Variants in TANGO6 observed in about 807,000 individuals in gnomAD.
TANGO6 encodes transport and Golgi organization protein 6 homolog.
Under a neutral mutation model 114.2 loss-of-function variants are expected in TANGO6, and 90 were observed. The observed-to-expected ratio is 0.79, with a 90% CI of 0.66 to 0.94. TANGO6 has a LOEUF of 0.94. TANGO6 is among the 40% of genes least tolerant of loss of function. The pLI is 0.00. For missense variants in TANGO6, 1,274 were observed against 1,315.3 expected, an observed-to-expected ratio of 0.97 and a Z score of 0.49; for synonymous variants, 477 against 509.8, an observed-to-expected ratio of 0.94 and a Z score of 0.87.
At chr16:68,975,560 T>G (rs2152213380) in intron 15 of TANGO6, among the ~76,000 whole-genome samples, 1 of 151,904 alleles carries the variant, frequency 6.6e-6, no homozygotes, top group Admixed American at 6.6e-5. Flanking sequence ...TCTTTTCTTT[T>G]TTTTTTGTTT....
At chr16:68,867,334 C>A in intron 4 of TANGO6, 114 bp downstream of exon 4, 1 of 1,380,860 alleles carries the variant, frequency 7.2e-7, no homozygotes, top group Admixed American at 1.9e-5. Flanking sequence ...AACTAAACTC[C>A]ATCCTTGCAG....
At chr16:69,081,690 A>G (rs1960467781) in intron 17 of TANGO6, among the ~76,000 whole-genome samples, 1 of 152,078 alleles carries the variant, frequency 6.6e-6, no homozygotes, top group African/African-American at 2.4e-5. Flanking sequence ...GTTTCTTGCT[A>G]GAAGTTCTAG....
chr16:69,067,251 G>T (rs1447083043), intron 17 of TANGO6, among the ~76,000 whole-genome samples: 2 of 151,478 alleles, frequency 1.3e-5, no homozygotes, highest in African/African-American at 2.4e-5. Context: ...GCTCATGCCT[G>T]TTATCCCAGC....
chr16:68,967,687 T>A (rs1567550056), intron 14 of TANGO6, among the ~76,000 whole-genome samples: 1 of 152,208 alleles, frequency 6.6e-6, no homozygotes, highest in Non-Finnish European at 1.5e-5. Flanking sequence ...GGCAGAAATA[T>A]CTGTGAGTTT....
At position 69,040,192 on chromosome 16, in the gene TANGO6, C is replaced by A. The variant is rs1597068359; in HGVS notation, c.2995-116C>A. On this transcript the variant is annotated intron_variant, in intron 16 of 17. Coordinates refer to ENST00000261778, the MANE Select transcript of TANGO6 (RefSeq NM_024562.2). ...GTTGAGGATTAAGCAACTATCCAGC[C>A]CTCTCTAAGCCAGATTGCTCTTGAT... 1.2e-5 allele frequency: 10 copies of A among 826,388 alleles called. No individual in the cohort carries two copies. The East Asian group carries it at 2.4e-4, about 20-fold the overall frequency. The allele number at this position is 826,388 out of a possible 1,614,324, so 51.2% of individuals were successfully genotyped here.
At chr16:69,039,186 A>G (rs1457443506) in intron 16 of TANGO6, among the ~76,000 whole-genome samples, 2 of 150,408 alleles carry the variant, frequency 1.3e-5, no homozygotes, top group African/African-American at 4.9e-5. Context: ...CTCCATCTCA[A>G]AAAAAAAAAT....
At chr16:69,016,314 C>T (rs1959297338) in intron 15 of TANGO6, among the ~76,000 whole-genome samples, 1 of 151,908 alleles carries the variant, frequency 6.6e-6, no homozygotes, top group South Asian at 2.1e-4. Flanking sequence ...AGGAGAATTA[C>T]TTGAACCTGG....
intron 15 of TANGO6, among the ~76,000 whole-genome samples, chr16:69,017,492 C>T (rs1241942897): frequency 6.6e-6 from 1 of 152,114 alleles, no homozygotes; most frequent in Non-Finnish European, 1.5e-5. Flanking sequence ...TTCCAAACTT[C>T]CTTCATTTTT....
intron 14 of TANGO6, among the ~76,000 whole-genome samples, chr16:68,933,538 C>T (rs1360649471): frequency 1.3e-5 from 2 of 152,194 alleles, no homozygotes; most frequent in East Asian, 1.9e-4. Flanking sequence ...GCAGCTGGCC[C>T]CTCCCAGCAG....
chr16:68,960,023 C>A (rs1963573716), intron 14 of TANGO6, among the ~76,000 whole-genome samples: 1 of 152,092 alleles, frequency 6.6e-6, no homozygotes, highest in Non-Finnish European at 1.5e-5. Flanking sequence ...AGAGAAGTAC[C>A]CATTATTTTC....
intron 15 of TANGO6, among the ~76,000 whole-genome samples, chr16:68,998,190 T>C (rs1207056226): frequency 6.6e-6 from 1 of 152,188 alleles, no homozygotes; most frequent in Non-Finnish European, 1.5e-5. Flanking sequence ...CAAGCTAATA[T>C]GAGGTCATGC....
intron 14 of TANGO6, among the ~76,000 whole-genome samples, chr16:68,930,954 G>T (rs1963231735): frequency 6.6e-6 from 1 of 152,068 alleles, no homozygotes; most frequent in South Asian, 2.1e-4. Flanking sequence ...CTGTCTATAT[G>T]CACCTTTGCT....
intron 14 of TANGO6, among the ~76,000 whole-genome samples, chr16:68,955,472 G>A (rs1253483562): frequency 6.6e-6 from 1 of 152,226 alleles, no homozygotes; most frequent in Non-Finnish European, 1.5e-5. Flanking sequence ...CACTGTGACT[G>A]CATTGGCACA....
In TANGO6 at chr16:68,843,629, A is replaced by C. The variant is rs1039198215; in HGVS notation, c.12A>C (p.Arg4=). 45 of 1,613,288 alleles carry C rather than the reference A, an allele frequency of 2.8e-5. No individual in the cohort carries two copies. The highest frequency in any genetic ancestry group is 3.5e-5 in the Non-Finnish European group (41 of 1,179,636). MAA[R]QAVGSGAQET... is the part of the protein sequence containing the mutation. ...GTTACACTCCAGTCATGGCGGCCCG[A>C]CAGGCCGTGGGCAGCGGGGCTCAGG... Residue 4 remains arginine (R), a synonymous_variant, in exon 1 of 18, where the codon CGA becomes CGC. Transcript: ENST00000261778.
At chr16:68,853,845 C>A (rs1400885463) in intron 1 of TANGO6, among the ~76,000 whole-genome samples, 1 of 152,096 alleles carries the variant, frequency 6.6e-6, no homozygotes, top group Non-Finnish European at 1.5e-5. Context: ...AGTGGTATCT[C>A]ATTGTGGTTT....
At chr16:69,023,896 A>G (rs1959454334) in intron 16 of TANGO6, among the ~76,000 whole-genome samples, 1 of 152,008 alleles carries the variant, frequency 6.6e-6, no homozygotes, top group South Asian at 2.1e-4. Context: ...CTGGTTTTAG[A>G]GTTTTTTATT....
intron 14 of TANGO6, chr16:68,972,971 A>C (rs1963723155): frequency 3.1e-6 from 1 of 326,154 alleles, no homozygotes; most frequent in Non-Finnish European, 6.0e-6. Flanking sequence ...GGAGGCCAGG[A>C]AGCAAGGGAG....
intron 17 of TANGO6, among the ~76,000 whole-genome samples, chr16:69,058,140 C>G (rs1960061135): frequency 6.6e-6 from 1 of 152,108 alleles, no homozygotes; most frequent in South Asian, 2.1e-4. Context: ...TATCTTTGCT[C>G]CATCCTCTGA....
intron 17 of TANGO6, among the ~76,000 whole-genome samples, chr16:69,056,552 TAAG>T (rs771804740): frequency 6.6e-6 from 1 of 151,488 alleles, no homozygotes; most frequent in Non-Finnish European, 1.5e-5. Flanking sequence ...GTTAGCCTAT[TAAG>T]AAGTCTGCGA....
Sources: gnomAD v4.1 joint callset for allele counts (sites outside exome capture counted in the v4.1 genomes callset) on GRCh38, gnomAD v4.1.1 for gene constraint, MANE v1.5 for transcripts, NCBI Gene and HGNC (gene_info 2026-07-23, HGNC 2026-07-21) for gene names.